Variants in APP observed in about 807,000 individuals in gnomAD.
APP encodes amyloid-beta precursor protein.
APP carries 31 observed loss-of-function variants against 101.4 expected under a neutral mutation model. The observed-to-expected ratio is 0.31, with a 90% confidence interval of 0.23 to 0.41. APP has a LOEUF of 0.41. APP is among the 10% of genes least tolerant of loss of function. The pLI is 1.00. For missense variants in APP, 839 were observed against 1,003.7 expected, an observed-to-expected ratio of 0.84 and a Z score of 2.22; for synonymous variants, 366 against 364.4, an observed-to-expected ratio of 1.00 and a Z score of -0.05.
chr21:25,979,098 C>G (rs1403691061), intron 9 of APP, among the ~76,000 whole-genome samples: 1 of 152,006 alleles, frequency 6.6e-6, no homozygotes, highest in East Asian at 1.9e-4. Flanking sequence ...TGACTAGATG[C>G]TAGTCACGAC....
intron 8 of APP, among the ~76,000 whole-genome samples, chr21:25,989,748 C>T (rs986733667): frequency 2.6e-5 from 4 of 151,890 alleles, no homozygotes; most frequent in African/African-American, 9.7e-5. Flanking sequence ...TATTTGATAC[C>T]GACCCAGCAA....
At chr21:26,042,718 A>T (rs757324459) in intron 5 of APP, among the ~76,000 whole-genome samples, 2 of 151,634 alleles carry the variant, frequency 1.3e-5, no homozygotes, top group Non-Finnish European at 2.9e-5. Flanking sequence ...TCTGGGCAAC[A>T]TAGTGAGACC....
chr21:25,912,049 A>G (rs758670902), intron 13 of APP, 87 bp from the exon 14 acceptor site: 5 of 1,035,284 alleles, frequency 4.8e-6, no homozygotes, highest in Non-Finnish European at 7.5e-6. Flanking sequence ...TCTGCCAGGC[A>G]AGACTTCAAC....
chr21:26,008,881 T>C (rs939980739), intron 6 of APP, among the ~76,000 whole-genome samples: 19 of 152,184 alleles, frequency 1.2e-4, no homozygotes, highest in Admixed American at 1.1e-3. Context: ...TCCTTTTCAG[T>C]TTCTTACTTC....
chr21:25,997,539 G>T (rs2146667178), intron 7 of APP, 123 bp from the exon 8 acceptor site: 1 of 854,992 alleles, frequency 1.2e-6, no homozygotes, highest in South Asian at 1.4e-5. Context: ...CTTAGGTTTG[G>T]TCCCTCCAAC....
intron 13 of APP, among the ~76,000 whole-genome samples, chr21:25,927,688 C>T (rs908467481): frequency 6.6e-6 from 1 of 152,152 alleles, no homozygotes; most frequent in East Asian, 1.9e-4. Flanking sequence ...ACAAACTGCC[C>T]TGGAAGGGAC....
chr21:26,051,260 A>C, intron 4 of APP, 67 bp from the exon 5 acceptor site: 1 of 1,463,962 alleles, frequency 6.8e-7, no homozygotes, highest in Non-Finnish European at 9.4e-7. Context: ...AAAACTCCAC[A>C]TAAAATAATC....
chr21:26,009,575 C>T (rs552258727), intron 6 of APP: 4 of 146,336 alleles, frequency 2.7e-5, no homozygotes, highest in African/African-American at 9.9e-5. Flanking sequence ...TTAGAATATA[C>T]TTCCTTTTTC....
At chr21:25,928,440 A>G (rs1228759043) in intron 13 of APP, among the ~76,000 whole-genome samples, 1 of 151,930 alleles carries the variant, frequency 6.6e-6, no homozygotes, top group Admixed American at 6.5e-5. Flanking sequence ...CAACACACAC[A>G]CACAAACACA....
intron 6 of APP, among the ~76,000 whole-genome samples, chr21:26,002,504 A>G (rs965670868): frequency 2.8e-5 from 4 of 145,414 alleles, no homozygotes; most frequent in Non-Finnish European, 4.6e-5. Context: ...CAATGTGTAC[A>G]TATTCATGTC....
intron 1 of APP, among the ~76,000 whole-genome samples, chr21:26,132,457 C>A (rs961528273): frequency 5.9e-5 from 9 of 152,142 alleles, no homozygotes; most frequent in Non-Finnish European, 1.2e-4. Context: ...CTGAATTAGA[C>A]TTTTAATATT....
intron 8 of APP, among the ~76,000 whole-genome samples, chr21:25,983,058 C>G (rs1327625096): frequency 6.6e-6 from 1 of 151,798 alleles, no homozygotes; most frequent in African/African-American, 2.4e-5. Context: ...CACAAAAGGA[C>G]TTTTCTGTCT....
intron 5 of APP, among the ~76,000 whole-genome samples, chr21:26,042,429 A>G (rs1374380419): frequency 6.6e-6 from 1 of 152,200 alleles, no homozygotes; most frequent in Non-Finnish European, 1.5e-5. Context: ...CTAACTACAA[A>G]TCATGTATTT....
chr21:26,052,083 T>C lies in APP; in HGVS notation c.469-890A>G, dbSNP rs2045861070. 1.3e-5 allele frequency among the ~76,000 whole-genome samples: 2 copies of C among 152,234 alleles called. 1 individual carries two copies. Among genetic ancestry groups the C allele is most frequent in the South Asian group, 4.1e-4 (2 of 4,832 alleles). On this transcript the variant is annotated intron_variant, in intron 4 of 17. Coordinates refer to ENST00000346798, the MANE Select transcript of APP (RefSeq NM_000484.4). ...AAAAAACATTTTATTCTACAGTGGATCCAAATATACTATTTTATAAGAGGC... is the reference window on the plus strand; with the variant it reads ...AAAAAACATTTTATTCTACAGTGGACCCAAATATACTATTTTATAAGAGGC...
chr21:25,907,894 A>AT (rs1212482249), intron 14 of APP, among the ~76,000 whole-genome samples: 1 of 152,218 alleles, frequency 6.6e-6, no homozygotes, highest in Non-Finnish European at 1.5e-5. Flanking sequence ...TGCCTCTATA[A>AT]AGCTAGTTAA....
At chr21:26,162,893 C>CA (rs998227197) in intron 1 of APP, among the ~76,000 whole-genome samples, 2 of 120,250 alleles carry the variant, frequency 1.7e-5, no homozygotes, top group African/African-American at 8.0e-5. Context: ...TAGATTCTCT[C>CA]AAAAAAAGCA....
At chr21:26,145,475 G>C (rs918553534) in intron 1 of APP, among the ~76,000 whole-genome samples, 1 of 152,144 alleles carries the variant, frequency 6.6e-6, no homozygotes, top group African/African-American at 2.4e-5. Flanking sequence ...CTGCCAGGAA[G>C]CAGCACTCAG....
At chr21:25,946,276 G>C (rs573035415) in intron 13 of APP, among the ~76,000 whole-genome samples, 1 of 152,262 alleles carries the variant, frequency 6.6e-6, no homozygotes, top group African/African-American at 2.4e-5. Flanking sequence ...TTAAGGAAGT[G>C]AAAATACAAC....
At chr21:26,150,874 AT>A (rs778367232) in intron 1 of APP, among the ~76,000 whole-genome samples, 5 of 152,242 alleles carry the variant, frequency 3.3e-5, no homozygotes, top group African/African-American at 4.8e-5. Context: ...CAGTATCAAC[AT>A]TTACTCATTA....
Sources: gnomAD v4.1 joint callset for allele counts (sites outside exome capture counted in the v4.1 genomes callset) on GRCh38, gnomAD v4.1.1 for gene constraint, MANE v1.5 for transcripts, NCBI Gene and HGNC (gene_info 2026-07-23, HGNC 2026-07-21) for gene names.